The following RIOK2 variants were observed in gnomAD, a reference collection of about 807,000 sequenced individuals.
RIOK2 encodes RIO kinase 2, also known as serine/threonine-protein kinase RIO2.
In RIOK2, 46 loss-of-function variants were observed where a neutral mutation model predicts 62.4. The ratio of observed to expected loss-of-function variants is 0.74; its 90% CI spans 0.58 to 0.94. The LOEUF is 0.94. Ranked by LOEUF, RIOK2 falls within the 40% of genes least tolerant of loss-of-function variation. The probability of loss-of-function intolerance (pLI) is 0.00; values close to 1 mark genes in which losing one functional copy is unlikely to be tolerated. For missense variants in RIOK2, 574 were observed against 658.0 expected (o/e 0.87, Z 1.40); for synonymous variants, 197 against 216.0 (o/e 0.91, Z 0.77).
chr5:97,176,895 C>T (rs985661403), intron 4 of RIOK2: 3 of 462,082 alleles, frequency 6.5e-6, no homozygotes, highest in East Asian at 4.1e-5. Flanking sequence ...AATGTGTTGC[C>T]CTTATGCATT....
At position 97,166,891 on chromosome 5, in the gene RIOK2, A is replaced by G; in HGVS notation, c.1397+576T>C. On this transcript the variant is annotated intron_variant, in intron 8 of 9. Transcript: ENST00000283109. The stretch of plus-strand genomic sequence containing the variant: ...TGATCAATGTATCCAGAGACCTGCA[A>G]TAATTTTAAAATCATCAGTTTGTAT... 3 of 980,068 alleles carry G rather than the reference A, an allele frequency of 3.1e-6. No individual in the cohort carries two copies. The South Asian group carries it at 1.4e-4, about 46-fold the overall frequency. 60.7% of individuals were successfully genotyped at this position (980,068 alleles called of 1,614,324 possible). A position where few individuals can be genotyped will look rare whatever the true frequency, so the allele number is the denominator to read the frequency against.
chr5:97,163,229 G>A lies in RIOK2; in HGVS notation c.1495-4C>T. 2 of 1,612,046 alleles carry A rather than the reference G, an allele frequency of 1.2e-6. No homozygotes were observed. Among genetic ancestry groups the A allele is most frequent in the Non-Finnish European group, 1.7e-6 (2 of 1,179,152 alleles). ...TCACCTTCTGTTTCACCAGTTCCTGGAAAGATTTCATAAATTAGTATTACT... is the reference window on the plus strand; with the variant it reads ...TCACCTTCTGTTTCACCAGTTCCTGAAAAGATTTCATAAATTAGTATTACT... On this transcript the variant is annotated splice_region_variant and splice_polypyrimidine_tract_variant and intron_variant, in intron 9 of 9. Transcript: ENST00000283109.
At chr5:97,163,665 C>T (rs899533160) in intron 9 of RIOK2, among the ~76,000 whole-genome samples, 7 of 152,160 alleles carry the variant, frequency 4.6e-5, no homozygotes, top group Non-Finnish European at 7.3e-5. Flanking sequence ...GAAAAGTCTT[C>T]ATATGTCTTT....
At chr5:97,176,939 A>G (rs1749178093) in intron 4 of RIOK2, 177 bp downstream of exon 4, 2 of 573,314 alleles carry the variant, frequency 3.5e-6, no homozygotes, top group Non-Finnish European at 6.1e-6. Context: ...CGTAGAAGGA[A>G]ATCACTTAAA....
intron 4 of RIOK2, among the ~76,000 whole-genome samples, chr5:97,174,167 C>T (rs1010243816): frequency 2.6e-5 from 4 of 152,102 alleles, no homozygotes; most frequent in Non-Finnish European, 5.9e-5. Context: ...GTCTGTAACC[C>T]CAGCAATTTG....
intron 6 of RIOK2, among the ~76,000 whole-genome samples, chr5:97,169,806 T>C (rs1748949058): frequency 1.3e-5 from 2 of 152,134 alleles, no homozygotes; most frequent in South Asian, 2.1e-4. Context: ...AATCACAATG[T>C]CTCTCCATAG....
intron 5 of RIOK2, among the ~76,000 whole-genome samples, chr5:97,171,964 T>C (rs899427779): frequency 3.3e-5 from 5 of 152,222 alleles, no homozygotes; most frequent in African/African-American, 1.2e-4. Flanking sequence ...CCTCATCATA[T>C]GTGGTCTGTC....
chr5:97,161,066 T>C lies in RIOK2; in HGVS notation c.*1995A>G, dbSNP rs182820691. The C allele has an allele frequency of 2.6e-5, 4 of 152,332 alleles. No individual in the cohort carries two copies. The highest frequency in any genetic ancestry group is 9.6e-5 in the African/African-American group (4 of 41,582). The allele number at this position is 152,332 out of a possible 1,614,324, so 9.4% of individuals were successfully genotyped here. On this transcript the variant is annotated 3_prime_UTR_variant, in exon 10 of 10. Coordinates refer to ENST00000283109, the MANE Select transcript of RIOK2 (RefSeq NM_018343.3). ...GAAGTCATTTTAGCAGTACTAACCA[T>C]ACAGTATATGTCAGGCACTGTAATA...
At chr5:97,167,319 A>G (rs1748869130) in intron 8 of RIOK2, 148 bp downstream of exon 8, 1 of 1,452,114 alleles carries the variant, frequency 6.9e-7, no homozygotes, top group Admixed American at 2.8e-5. Context: ...GTTTTTAACA[A>G]CAAAAAATTA....
At position 97,183,239 on chromosome 5, in the gene RIOK2, G is replaced by A. The variant is rs1161388749; in HGVS notation, c.-48C>T. The stretch of plus-strand genomic sequence containing the variant: ...ATGCCTCTCCGACGACAGCCGCAAA[G>A]CGTAAGGCAGGTCGTTATTCCAGCC... On this transcript the variant is annotated 5_prime_UTR_variant, in exon 1 of 10. Coordinates refer to ENST00000283109, the MANE Select transcript of RIOK2 (RefSeq NM_018343.3). 2 of 1,600,512 alleles carry A rather than the reference G, an allele frequency of 1.2e-6. No homozygotes were observed. The highest frequency in any genetic ancestry group is 2.2e-5 in the East Asian group (1 of 44,798).
intron 9 of RIOK2, 118 bp from the exon 10 acceptor site, chr5:97,163,343 G>A (rs899562564): frequency 6.3e-6 from 5 of 798,530 alleles, no homozygotes; most frequent in African/African-American, 1.8e-5. Context: ...AACACTGACA[G>A]TACTATATAG....
Position 97,183,180 on chromosome 5 carries a change from C to T in RIOK2, c.12G>A (p.Val4=). 6.2e-7 allele frequency: 1 copy of T among 1,614,212 alleles called. No homozygotes were observed. Among genetic ancestry groups the T allele is most frequent in the Non-Finnish European group, 8.5e-7 (1 of 1,180,004 alleles). MGK[V]NVAKLRYMSR... Reference sequence around the variant, plus strand: ...TCATGTAACGCAACTTGGCCACATTCACTTTCCCCATGGCGGCCCCAGTCC... The same window carrying T: ...TCATGTAACGCAACTTGGCCACATTTACTTTCCCCATGGCGGCCCCAGTCC... The change falls in exon 1 of 10, where the codon GTG becomes GTA. Residue 4 remains valine (V), a synonymous_variant. Transcript: ENST00000283109.
chr5:97,170,483 C>T (rs1278309665), intron 6 of RIOK2, among the ~76,000 whole-genome samples: 2 of 152,134 alleles, frequency 1.3e-5, no homozygotes, highest in South Asian at 2.1e-4. Flanking sequence ...CTGAGTTATA[C>T]TTGGTGAATC....
At chr5:97,179,644 G>C (rs1186192045) in intron 1 of RIOK2, among the ~76,000 whole-genome samples, 1 of 151,810 alleles carries the variant, frequency 6.6e-6, no homozygotes, top group Non-Finnish European at 1.5e-5. Context: ...AAAAAAGGAT[G>C]AGTTCATGCC....
chr5:97,178,599 C>A (rs1253550670), intron 2 of RIOK2, among the ~76,000 whole-genome samples: 1 of 150,912 alleles, frequency 6.6e-6, no homozygotes, highest in Non-Finnish European at 1.5e-5. Context: ...TGCTCTTCTG[C>A]AGTACTCTAT....
At chr5:97,178,346 T>TCTGCAGTACTCTA in intron 2 of RIOK2, among the ~76,000 whole-genome samples, 1 of 5,762 alleles carries the variant, frequency 1.7e-4, no homozygotes, top group East Asian at 4.5e-3. Flanking sequence ...TACATGCTCT[T>TCTGCAGTACTCTA]CATGCTCTTC....
rs1561516599 is a variant in RIOK2 at position 97,167,995 on chromosome 5, G to A, written c.873-4C>T. 3.2e-6 allele frequency: 5 copies of A among 1,561,356 alleles called. No homozygotes were observed. Among genetic ancestry groups the A allele is most frequent in the Admixed American group, 2.0e-5 (1 of 50,942 alleles). On this transcript the variant is annotated splice_region_variant and splice_polypyrimidine_tract_variant and intron_variant, in intron 7 of 9. Transcript: ENST00000283109. The stretch of plus-strand genomic sequence containing the variant: ...CACATCAAGAGTGTCTTCTCTCCTA[G>A]AAAAAAAAGGCGTCAAGCATAGAAA...
Position 97,171,288 on chromosome 5 carries a change from T to C in RIOK2, c.697A>G (p.Asn233Asp). The C allele has an allele frequency of 1.9e-6, 3 of 1,608,962 alleles. No individual in the cohort carries two copies. Among genetic ancestry groups the C allele is most frequent in the Non-Finnish European group, 2.5e-6 (3 of 1,177,716 alleles). The change falls in exon 6 of 10, where the codon AAT (asparagine) becomes GAT (aspartate). Residue 233 changes from asparagine to aspartate, a missense_variant. Transcript: ENST00000283109. ...TGGTCACTTTCATCCAAAATGAGAT[T>C]AAATTCATTAAAATCTCCATGAATC... ...GLIHGDFNEF[N>D]LILDESDHIT...
At chr5:97,181,738 G>C (rs1749419327) in intron 1 of RIOK2, among the ~76,000 whole-genome samples, 1 of 152,078 alleles carries the variant, frequency 6.6e-6, no homozygotes, top group Non-Finnish European at 1.5e-5. Context: ...TCCATGCTTT[G>C]TCTCTGCCTC....
Sources: allele counts gnomAD v4.1 joint callset (sites outside exome capture counted in the v4.1 genomes callset), GRCh38; gene constraint gnomAD v4.1.1; transcripts MANE v1.5; gene names NCBI Gene and HGNC (gene_info 2026-07-23, HGNC 2026-07-21).